Variants in KDM4C observed in about 807,000 individuals in gnomAD.
The protein encoded by KDM4C is lysine-specific demethylase 4C.
Under a neutral mutation model 129.3 loss-of-function variants are expected in KDM4C, and 81 were observed. The observed-to-expected ratio is 0.63, with a 90% CI of 0.52 to 0.75. The LOEUF is 0.75. KDM4C is among the 30% of genes least tolerant of loss of function. The pLI is 0.00. For missense variants in KDM4C, 1,457 were observed against 1,304.0 expected, an observed-to-expected ratio of 1.12 and a Z score of -1.81; for synonymous variants, 573 against 456.1, an observed-to-expected ratio of 1.26 and a Z score of -3.26.
At chr9:6,749,034 T>A in intron 1 of KDM4C, 1 of 631,670 alleles carries the variant, frequency 1.6e-6, no homozygotes, top group East Asian at 3.4e-5. Flanking sequence ...TATTTTTATT[T>A]TTGAAATGGA....
intron 11 of KDM4C, chr9:6,987,008 C>T (rs1817837876): frequency 4.8e-6 from 1 of 206,492 alleles, no homozygotes; most frequent in Non-Finnish European, 9.7e-6. Context: ...CTCAGTTTCT[C>T]CCAATGCTAC....
Position 6,849,557 on chromosome 9 carries a change from T to C in KDM4C, c.486T>C (p.Val162=). The change falls in exon 5 of 22, where the codon GTT becomes GTC. Residue 162 remains valine (V), a synonymous_variant. Coordinates refer to ENST00000381309, the MANE Select transcript of KDM4C (RefSeq NM_015061.6). The part of the protein sequence containing the change: ...IARLNTVLDV[V]EEECGISIEG... ...GCCTCAATACAGTCTTGGATGTGGT[T>C]GAAGAAGAGTGTGGCATTTCTATTG... The C allele has an allele frequency of 6.2e-7, 1 of 1,613,564 alleles. No individual in the cohort carries two copies. The highest frequency in any genetic ancestry group is 8.5e-7 in the Non-Finnish European group (1 of 1,179,568).
chr9:7,019,789 T>TAATATTTTTATATATAAAAATATAATA (rs1277016623), intron 15 of KDM4C, among the ~76,000 whole-genome samples: 13 of 144,404 alleles, frequency 9.0e-5, no homozygotes, highest in Admixed American at 2.8e-4. Context: ...TATAAAAATA[T>TAATATTTTTATATATAAAAATATAATA]TTTAGAAGCA....
chr9:6,891,858 A>G (rs1328529694), intron 7 of KDM4C, among the ~76,000 whole-genome samples: 1 of 152,132 alleles, frequency 6.6e-6, no homozygotes, highest in Non-Finnish European at 1.5e-5. Context: ...GATTTTTATC[A>G]TAAAAAAAGA....
intron 1 of KDM4C, chr9:6,734,775 A>T (rs1421803045): frequency 2.9e-5 from 11 of 384,418 alleles, no homozygotes; most frequent in South Asian, 1.5e-4. Context: ...TACTTAAAAT[A>T]TGTTTGTAAA....
At chr9:6,883,997 A>T (rs936146070) in intron 6 of KDM4C, among the ~76,000 whole-genome samples, 1 of 152,200 alleles carries the variant, frequency 6.6e-6, no homozygotes, top group African/African-American at 2.4e-5. Flanking sequence ...TTTTCTGCTA[A>T]TTATCTTGAA....
chr9:7,119,876 A>T (rs1839307582), intron 18 of KDM4C, among the ~76,000 whole-genome samples: 1 of 151,962 alleles, frequency 6.6e-6, no homozygotes, highest in Non-Finnish European at 1.5e-5. Flanking sequence ...TCCTTCCCTG[A>T]TCTGAGCTCT....
At chr9:6,738,987 C>T (rs1474638743) in intron 1 of KDM4C, among the ~76,000 whole-genome samples, 2 of 152,066 alleles carry the variant, frequency 1.3e-5, no homozygotes, top group African/African-American at 4.8e-5. Context: ...CCTCAGCCTC[C>T]CACCTGAGCC....
chr9:6,924,106 G>A (rs997195162), intron 8 of KDM4C, among the ~76,000 whole-genome samples: 4 of 152,088 alleles, frequency 2.6e-5, no homozygotes, highest in African/African-American at 4.8e-5. Flanking sequence ...TTTTCTAATA[G>A]CTGCTGGCTT....
At chr9:6,828,599 G>A (rs1046689228) in intron 4 of KDM4C, among the ~76,000 whole-genome samples, 1 of 151,836 alleles carries the variant, frequency 6.6e-6, no homozygotes, top group South Asian at 2.1e-4. Flanking sequence ...GGCCAGGTGC[G>A]GTGGCTCACG....
intron 18 of KDM4C, among the ~76,000 whole-genome samples, chr9:7,114,472 A>G (rs1838673388): frequency 6.6e-6 from 1 of 152,192 alleles, no homozygotes; most frequent in African/African-American, 2.4e-5. Context: ...ATGTATTCGC[A>G]TTTTCATTAG....
At chr9:6,916,413 C>T (rs1203801027) in intron 8 of KDM4C, among the ~76,000 whole-genome samples, 2 of 151,774 alleles carry the variant, frequency 1.3e-5, no homozygotes, top group Non-Finnish European at 2.9e-5. Flanking sequence ...GATCCTCCTG[C>T]CACAGCCTTC....
At chr9:7,052,082 G>A (rs1037150372) in intron 17 of KDM4C, among the ~76,000 whole-genome samples, 4 of 152,180 alleles carry the variant, frequency 2.6e-5, no homozygotes, top group Admixed American at 2.6e-4. Flanking sequence ...GAATATCTTG[G>A]TTGGAAGAAC....
chr9:6,734,484 G>T (rs1289503568), intron 1 of KDM4C: 1 of 170,124 alleles, frequency 5.9e-6, no homozygotes, highest in South Asian at 1.5e-4. Context: ...AGTAGAGACA[G>T]GGTTTCTCCA....
intron 18 of KDM4C, among the ~76,000 whole-genome samples, chr9:7,108,865 T>C (rs1456096905): frequency 6.6e-6 from 1 of 152,214 alleles, no homozygotes; most frequent in African/African-American, 2.4e-5. Context: ...GTATAGCATA[T>C]TATTCTTTTA....
intron 4 of KDM4C, among the ~76,000 whole-genome samples, chr9:6,828,223 C>T (rs929522358): frequency 2.6e-5 from 4 of 152,090 alleles, no homozygotes; most frequent in African/African-American, 9.7e-5. Flanking sequence ...TCTCAGCTCA[C>T]TGCAAGCTCC....
rs915907709 is a variant in KDM4C, at chr9:7,078,545, T to C, written c.2425-25140T>C. Among the ~76,000 whole-genome samples the C allele has an allele frequency of 2.0e-5, 3 of 152,304 alleles. No individual in the cohort carries two copies. The South Asian group carries it at 6.2e-4, about 32-fold the overall frequency. Reference sequence around the variant, plus strand: ...CAACATGGAAGGTTCTCTTCTGATATCTTTAGTAGTAATTTTCAGAGAATC... The same window carrying C: ...CAACATGGAAGGTTCTCTTCTGATACCTTTAGTAGTAATTTTCAGAGAATC... On this transcript the variant is annotated intron_variant, in intron 17 of 21. Transcript: ENST00000381309.
At chr9:7,001,767 G>A (rs1456749014) in intron 12 of KDM4C, among the ~76,000 whole-genome samples, 2 of 151,638 alleles carry the variant, frequency 1.3e-5, no homozygotes, top group Non-Finnish European at 2.9e-5. Context: ...TCTTTTTCAT[G>A]TAGATTGCAT....
At chr9:6,746,331 C>G (rs1817873570) in intron 1 of KDM4C, among the ~76,000 whole-genome samples, 1 of 131,370 alleles carries the variant, frequency 7.6e-6, no homozygotes, top group Admixed American at 8.8e-5. Context: ...TGCAGTGGAG[C>G]AATCTCGGCT....
Sources: allele counts gnomAD v4.1 joint callset (sites outside exome capture counted in the v4.1 genomes callset), GRCh38; gene constraint gnomAD v4.1.1; transcripts MANE v1.5; gene names NCBI Gene and HGNC (gene_info 2026-07-23, HGNC 2026-07-21).